The following ZFHX3 variants were observed in gnomAD, a reference collection of about 807,000 sequenced individuals.
The protein encoded by ZFHX3 is zinc finger homeobox protein 3.
A neutral mutation model predicts 279.1 loss-of-function variants in ZFHX3; 42 were observed. The ratio of observed to expected loss-of-function variants is 0.15; its 90% CI spans 0.12 to 0.19. The LOEUF (loss-of-function observed/expected upper bound fraction) is 0.19, where lower values mean the gene tolerates loss of function less well. ZFHX3 is among the 10% of genes least tolerant of loss of function. ZFHX3 has a pLI of 1.00. For synonymous variants in ZFHX3, 2,293 were observed against 1,957.8 expected, an observed-to-expected ratio of 1.17 and a Z score of -4.52; for missense variants, 4,981 against 4,754.0, an observed-to-expected ratio of 1.05 and a Z score of -1.40.
At chr16:73,049,870 G>A (rs1179948142), upstream of ZFHX3, among the ~76,000 whole-genome samples, 1 of 152,162 alleles carries the variant, frequency 6.6e-6, no homozygotes, top group Non-Finnish European at 1.5e-5. Flanking sequence ...CATATAAGTT[G>A]AGAACACCTT....
chr16:73,702,769 AG>A (rs1397645900), intron 1 of ZFHX3, among the ~76,000 whole-genome samples: 1 of 152,174 alleles, frequency 6.6e-6, no homozygotes, highest in African/African-American at 2.4e-5. Flanking sequence ...ATACAAAAAG[AG>A]GGGAAGACAA....
chr16:73,332,022 A>G (rs2015814671), intron 3 of ZFHX3, among the ~76,000 whole-genome samples: 1 of 152,048 alleles, frequency 6.6e-6, no homozygotes. Context: ...CCCATGTTCA[A>G]CTCCATGCCT....
chr16:73,059,398 GCACACA>G (rs1294885536), exon 1 of ZFHX3: 2 of 107,234 alleles, frequency 1.9e-5, no homozygotes, highest in East Asian at 3.3e-4. Flanking sequence ...ACACACACAC[GCACACA>G]CACACCGAGA....
At chr16:72,903,158 G>A (rs1348756046) in intron 3 of ZFHX3, among the ~76,000 whole-genome samples, 2 of 152,260 alleles carry the variant, frequency 1.3e-5, no homozygotes, top group East Asian at 1.9e-4. Flanking sequence ...AGAGTTCGAG[G>A]AGGGTGCCCA....
intron 2 of ZFHX3, among the ~76,000 whole-genome samples, chr16:73,506,592 C>T (rs1030255019): frequency 1.3e-5 from 2 of 152,222 alleles, no homozygotes; most frequent in African/African-American, 2.4e-5. Flanking sequence ...CTGACACCCC[C>T]TGGCCAAGAA....
At chr16:73,131,024 C>T (rs1193008834) in exon 7 of ZFHX3, 2 of 1,301,734 alleles carry the variant, frequency 1.5e-6, no homozygotes, top group South Asian at 1.2e-5. Context: ...GGAGTTAGAC[C>T]CCCTGGGCTC....
intron 4 of ZFHX3, among the ~76,000 whole-genome samples, chr16:73,310,055 C>G (rs2015289203): frequency 6.6e-6 from 1 of 151,818 alleles, no homozygotes; most frequent in Non-Finnish European, 1.5e-5. Context: ...ATTACAGGTG[C>G]CCACCACCAC....
chr16:73,186,680 A>T (rs1234630228), intron 5 of ZFHX3, among the ~76,000 whole-genome samples: 2 of 151,710 alleles, frequency 1.3e-5, no homozygotes, highest in Admixed American at 6.6e-5. Flanking sequence ...TGTTTCATCC[A>T]TCCTATATTT....
intron 1 of ZFHX3, among the ~76,000 whole-genome samples, chr16:72,988,528 C>T (rs570094951): frequency 5.1e-4 from 77 of 152,362 alleles, no homozygotes; most frequent in African/African-American, 1.8e-3. Flanking sequence ...CTTCCCTCTG[C>T]ACTGCTCTAA....
intron 2 of ZFHX3, among the ~76,000 whole-genome samples, chr16:73,520,444 G>A (rs1406295803): frequency 6.6e-6 from 1 of 152,148 alleles, no homozygotes; most frequent in East Asian, 1.9e-4. Context: ...ACCAGATGAG[G>A]AATTTTTAGA....
chr16:73,415,206 T>C (rs1377447843), intron 3 of ZFHX3, among the ~76,000 whole-genome samples: 3 of 152,256 alleles, frequency 2.0e-5, no homozygotes, highest in Non-Finnish European at 4.4e-5. Flanking sequence ...TTTCTAATTG[T>C]ATATTTAAAA....
At chr16:73,323,024 C>T (rs2015609021) in intron 3 of ZFHX3, among the ~76,000 whole-genome samples, 1 of 152,204 alleles carries the variant, frequency 6.6e-6, no homozygotes, top group Non-Finnish European at 1.5e-5. Flanking sequence ...TGAAGAGCTG[C>T]AGCGGAGACC....
rs918518275 is a variant in ZFHX3, at chr16:73,337,895, G to T, written c.-1290-19559C>A. Among the ~76,000 whole-genome samples the T allele has an allele frequency of 7.2e-4, 105 of 145,050 alleles. 7 individuals are homozygous for T. Among genetic ancestry groups the T allele is most frequent in the African/African-American group, 2.4e-3 (96 of 40,126 alleles). ...ATAAGTCTTCATCTTCCCTTGGCGG[G>T]GGGGGGGGTCCTCATCCCCTTTTTA... On this transcript the variant is annotated intron_variant, in intron 3 of 17. Transcript: ENST00000641206.
At chr16:73,039,516 G>T (rs1176803011) in intron 1 of ZFHX3, among the ~76,000 whole-genome samples, 1 of 152,120 alleles carries the variant, frequency 6.6e-6, no homozygotes, top group Non-Finnish European at 1.5e-5. Context: ...AGACATTTTT[G>T]ATTGTCACAT....
At chr16:73,308,550 A>C (rs1381547244) in intron 4 of ZFHX3, among the ~76,000 whole-genome samples, 1 of 151,818 alleles carries the variant, frequency 6.6e-6, no homozygotes, top group African/African-American at 2.4e-5. Context: ...ATGGTGATCC[A>C]CCCACCTTGG....
chr16:72,791,777 C>T (rs2035712993), intron 9 of ZFHX3, among the ~76,000 whole-genome samples: 1 of 152,210 alleles, frequency 6.6e-6, no homozygotes, highest in Non-Finnish European at 1.5e-5. Flanking sequence ...CTTGTCAACA[C>T]ATATAAGCAA....
chr16:72,784,705 C>T lies in ZFHX3; in HGVS notation c.*2459G>A, dbSNP rs942472893. On this transcript the variant is annotated 3_prime_UTR_variant, in exon 10 of 10. Coordinates refer to ENST00000268489, the MANE Select transcript of ZFHX3 (RefSeq NM_006885.4). ...GCTTGTTAAAACAGTAAATGTTTTG[C>T]GTACTTGCTTTTGACACCTTATGCT... is the stretch of plus-strand genomic sequence containing the variant. 1 of 152,318 alleles carries T rather than the reference C, an allele frequency of 6.6e-6. No homozygotes were observed. The highest frequency in any genetic ancestry group is 1.5e-5 in the Non-Finnish European group (1 of 67,958). 9.4% of individuals were successfully genotyped at this position (152,318 alleles called of 1,614,324 possible).
At chr16:73,504,960 G>T (rs537228697) in intron 2 of ZFHX3, 7 of 152,172 alleles carry the variant, frequency 4.6e-5, no homozygotes, top group African/African-American at 1.7e-4. Context: ...AAAAAAACCA[G>T]TGTATTCCTT....
At chr16:73,415,305 C>G (rs987334464) in intron 3 of ZFHX3, among the ~76,000 whole-genome samples, 1 of 152,148 alleles carries the variant, frequency 6.6e-6, no homozygotes, top group African/African-American at 2.4e-5. Flanking sequence ...TTGAGGTCTG[C>G]ATGTTTTGTG....
Sources: allele counts gnomAD v4.1 joint callset (sites outside exome capture counted in the v4.1 genomes callset), GRCh38; gene constraint gnomAD v4.1.1; transcripts MANE v1.5; gene names NCBI Gene and HGNC (gene_info 2026-07-23, HGNC 2026-07-21).